DENND1B: variants seen among roughly 807,000 people sequenced by gnomAD.
DENND1B encodes the protein DENN domain containing 1B.
A neutral mutation model predicts 90.1 loss-of-function variants in DENND1B; 59 were observed. The ratio of observed to expected loss-of-function variants is 0.65; its 90% CI spans 0.53 to 0.81. The LOEUF (loss-of-function observed/expected upper bound fraction) is 0.81. Ranked by LOEUF, DENND1B falls within the 40% of genes least tolerant of loss-of-function variation. DENND1B has a pLI of 0.00. For missense variants in DENND1B, 862 were observed against 912.6 expected (o/e 0.94, Z 0.71); for synonymous variants, 337 against 324.6 (o/e 1.04, Z -0.41).
At chr1:197,690,895 T>C (rs1001483483) in intron 3 of DENND1B, among the ~76,000 whole-genome samples, 1 of 151,718 alleles carries the variant, frequency 6.6e-6, no homozygotes, top group Non-Finnish European at 1.5e-5. Context: ...AAATCTGTCA[T>C]AGAACTTTGA....
chr1:197,778,829 C>T (rs1657360424), upstream of DENND1B, among the ~76,000 whole-genome samples: 2 of 151,950 alleles, frequency 1.3e-5, no homozygotes, highest in African/African-American at 2.4e-5. Flanking sequence ...TTCATTTCTG[C>T]CCCCACCTCT....
intron 15 of DENND1B, among the ~76,000 whole-genome samples, chr1:197,554,686 A>G (rs532745401): frequency 6.6e-6 from 1 of 151,900 alleles, no homozygotes; most frequent in African/African-American, 2.4e-5. Context: ...AAAAAATACA[A>G]AAAATATTAG....
At chr1:197,563,239 T>C (rs12748009) in intron 15 of DENND1B, among the ~76,000 whole-genome samples, 33,980 of 151,754 alleles carry the variant, frequency 0.22, 3,920 homozygotes, top group Middle Eastern at 0.37. Flanking sequence ...TGGAAGAAGA[T>C]ATCATCCACG....
chr1:197,638,274 A>C (rs1679964519), intron 10 of DENND1B, among the ~76,000 whole-genome samples: 1 of 152,220 alleles, frequency 6.6e-6, no homozygotes, highest in South Asian at 2.1e-4. Flanking sequence ...TGCACTACAC[A>C]ATCAAATCTC....
At chr1:197,547,972 T>C (rs996337556) in intron 16 of DENND1B, among the ~76,000 whole-genome samples, 7 of 152,198 alleles carry the variant, frequency 4.6e-5, no homozygotes, top group African/African-American at 1.7e-4. Flanking sequence ...TTTGTTATTA[T>C]TCACAGTATT....
intron 16 of DENND1B, among the ~76,000 whole-genome samples, chr1:197,549,164 A>G (rs748858613): frequency 6.6e-5 from 10 of 152,150 alleles, no homozygotes; most frequent in Non-Finnish European, 1.5e-4. Context: ...TAATAAAACT[A>G]GTGATTTTCT....
At chr1:197,765,608 A>G (rs1388962705) in intron 2 of DENND1B, among the ~76,000 whole-genome samples, 1 of 152,240 alleles carries the variant, frequency 6.6e-6, no homozygotes, top group Non-Finnish European at 1.5e-5. Context: ...AGTCAAGAAA[A>G]CAAAGTTATA....
intron 2 of DENND1B, chr1:197,736,138 T>C: frequency 3.1e-6 from 2 of 641,328 alleles, no homozygotes; most frequent in African/African-American, 2.0e-5. Context: ...TAAATAAATA[T>C]TGGACTTAAA....
At chr1:197,707,570 T>C (rs1322535764) in intron 3 of DENND1B, among the ~76,000 whole-genome samples, 1 of 147,998 alleles carries the variant, frequency 6.8e-6, no homozygotes, top group Non-Finnish European at 1.5e-5. Flanking sequence ...ATATGTGTAA[T>C]TATATGCATA....
At chr1:197,535,139 A>T (rs537503246) in intron 20 of DENND1B, among the ~76,000 whole-genome samples, 67 of 152,240 alleles carry the variant, frequency 4.4e-4, no homozygotes, top group Non-Finnish European at 8.2e-4. Context: ...CTTTTTTGCT[A>T]GTGTAAGTGG....
chr1:197,546,527 T>C (rs896864598), intron 17 of DENND1B, among the ~76,000 whole-genome samples: 4 of 152,222 alleles, frequency 2.6e-5, no homozygotes, highest in Admixed American at 6.5e-5. Context: ...GCCATTTATC[T>C]TTGGACCAAA....
At chr1:197,520,079 T>C (rs1004668879) in intron 20 of DENND1B, among the ~76,000 whole-genome samples, 4 of 151,804 alleles carry the variant, frequency 2.6e-5, no homozygotes, top group African/African-American at 7.3e-5. Context: ...TGAAGAGCAA[T>C]AGAAATCCAT....
At chr1:197,541,361 C>T (rs946362170) in intron 18 of DENND1B, among the ~76,000 whole-genome samples, 3 of 152,100 alleles carry the variant, frequency 2.0e-5, no homozygotes, top group African/African-American at 4.8e-5. Context: ...AGTACATCCC[C>T]GCAGCAAATT....
chr1:197,725,363 A>AT (rs1299810891), intron 2 of DENND1B, among the ~76,000 whole-genome samples: 1 of 152,144 alleles, frequency 6.6e-6, no homozygotes, highest in Non-Finnish European at 1.5e-5. Flanking sequence ...AAATAAATAC[A>AT]TTTTCAGAAA....
At chr1:197,591,737 G>T (rs575724043) in intron 14 of DENND1B, among the ~76,000 whole-genome samples, 1 of 152,188 alleles carries the variant, frequency 6.6e-6, no homozygotes, top group East Asian at 1.9e-4. Context: ...TATTCAGTTT[G>T]GTCTTTCCAT....
chr1:197,760,478 C>G (rs375385140), intron 2 of DENND1B, among the ~76,000 whole-genome samples: 1 of 151,810 alleles, frequency 6.6e-6, no homozygotes, highest in South Asian at 2.1e-4. Context: ...AGCAAAGCCC[C>G]ATCTCTACAA....
chr1:197,694,090 G>A (rs369570145), intron 3 of DENND1B, among the ~76,000 whole-genome samples: 1 of 150,580 alleles, frequency 6.6e-6, no homozygotes, highest in Admixed American at 6.6e-5. Context: ...CCTTTAAATC[G>A]TTTATCTATT....
At chr1:197,606,393 G>C (rs1558298230) in intron 13 of DENND1B, 2 of 151,060 alleles carry the variant, frequency 1.3e-5, no homozygotes, top group Admixed American at 1.3e-4. Context: ...TGACAAACTG[G>C]GTTTGCAGTT....
At chr1:197,750,981 C>T (rs1270051825) in intron 2 of DENND1B, among the ~76,000 whole-genome samples, 2 of 152,098 alleles carry the variant, frequency 1.3e-5, no homozygotes, top group East Asian at 3.9e-4. Flanking sequence ...AACCAAGAAA[C>T]CCACAATTAC....
Sources: allele counts gnomAD v4.1 joint callset (sites outside exome capture counted in the v4.1 genomes callset), GRCh38; gene constraint gnomAD v4.1.1; transcripts MANE v1.5; gene names NCBI Gene and HGNC (gene_info 2026-07-23, HGNC 2026-07-21).